SPTBN1: variants seen among roughly 807,000 people sequenced by gnomAD.
SPTBN1 encodes the protein spectrin beta chain, non-erythrocytic 1.
A neutral mutation model predicts 266.4 loss-of-function variants in SPTBN1; 32 were observed. The ratio of observed to expected loss-of-function variants is 0.12; its 90% confidence interval spans 0.09 to 0.16. The LOEUF (loss-of-function observed/expected upper bound fraction) is 0.16, where lower values mean the gene tolerates loss of function less well. Ranked by LOEUF, SPTBN1 falls within the 10% of genes least tolerant of loss-of-function variation. The pLI, the probability that SPTBN1 is intolerant of heterozygous loss-of-function variation, is 1.00. For missense variants in SPTBN1, 2,296 were observed against 3,067.1 expected, an observed-to-expected ratio of 0.75 and a Z score of 5.94; for synonymous variants, 1,336 against 1,162.2, an observed-to-expected ratio of 1.15 and a Z score of -3.04.
chr2:54,635,973 A>G (rs910489428), intron 17 of SPTBN1, among the ~76,000 whole-genome samples: 25 of 152,174 alleles, frequency 1.6e-4, no homozygotes, highest in Admixed American at 1.4e-3. Context: ...GTTTCTGATG[A>G]TAGATGGCAA....
intron 9 of SPTBN1, 45 bp from the exon 10 acceptor site, chr2:54,623,433 AT>A (rs377563056): frequency 1.2e-5 from 19 of 1,535,658 alleles, no homozygotes; most frequent in Admixed American, 5.1e-5. Flanking sequence ...ACAGTGTGAA[AT>A]TTTTTTTTCT....
At chr2:54,499,652 A>C (rs528841871) in intron 1 of SPTBN1, among the ~76,000 whole-genome samples, 1 of 152,346 alleles carries the variant, frequency 6.6e-6, no homozygotes, top group Non-Finnish European at 1.5e-5. Flanking sequence ...AAAACACAAC[A>C]TTTGTAATTA....
chr2:54,621,454 A>T lies in SPTBN1; in HGVS notation c.818A>T (p.Tyr273Phe), dbSNP rs759081481. The change falls in exon 8 of 36, where the codon TAT (tyrosine) becomes TTT (phenylalanine). Residue 273 changes from tyrosine to phenylalanine, a missense_variant. By Grantham distance (22) the Tyr-to-Phe change is conservative. This residue lies in a region of SPTBN1 where 178 missense variants were observed against 375.7 expected (regional missense o/e 0.47). Transcript: ENST00000356805. ...TCCATAATCACTTATGTGGTGACTT[A>T]TTACCACTACTTCTCTAAGATGAAG... ...EKSIITYVVTYYHYFSKMKAL... is the reference protein window; with the variant it reads ...EKSIITYVVTFYHYFSKMKAL... 6.2e-7 allele frequency: 1 copy of T among 1,614,192 alleles called. No homozygotes were observed. The highest frequency in any genetic ancestry group is 8.5e-7 in the Non-Finnish European group (1 of 1,180,014).
chr2:54,527,461 ATCATTTAGAG>A (rs1228989712), intron 2 of SPTBN1: 4 of 152,216 alleles, frequency 2.6e-5, no homozygotes, highest in Non-Finnish European at 4.4e-5. Flanking sequence ...TGAAGCATGC[ATCATTTAGAG>A]TCATCTTGAT....
chr2:54,583,702 A>G (rs1345754903), intron 2 of SPTBN1, among the ~76,000 whole-genome samples: 1 of 152,212 alleles, frequency 6.6e-6, no homozygotes, highest in African/African-American at 2.4e-5. Flanking sequence ...AGTATGCCCC[A>G]GAAGAAAGAC....
intron 2 of SPTBN1, among the ~76,000 whole-genome samples, chr2:54,576,083 C>G (rs532795274): frequency 3.4e-5 from 1 of 29,024 alleles, no homozygotes; most frequent in African/African-American, 1.3e-4. Flanking sequence ...GAGAGACAGT[C>G]TGGCTGTGTC....
intron 1 of SPTBN1, among the ~76,000 whole-genome samples, chr2:54,516,808 G>T (rs1422317571): frequency 6.6e-6 from 1 of 152,190 alleles, no homozygotes; most frequent in Non-Finnish European, 1.5e-5. Flanking sequence ...TGTGCCCAAG[G>T]TGGTCAGGGT....
chr2:54,634,952 G>A (rs1342438246), intron 17 of SPTBN1, among the ~76,000 whole-genome samples: 1 of 152,204 alleles, frequency 6.6e-6, no homozygotes, highest in African/African-American at 2.4e-5. Context: ...TCCAGCCACA[G>A]CACAGTTCAT....
chr2:54,661,670 G>A (rs988953743), intron 32 of SPTBN1: 2 of 985,660 alleles, frequency 2.0e-6, no homozygotes, highest in Non-Finnish European at 1.2e-6. Flanking sequence ...GAGCTCTAAT[G>A]TGTGTTTGTG....
chr2:54,613,273 G>T (rs1052204309), intron 4 of SPTBN1, among the ~76,000 whole-genome samples: 2 of 151,770 alleles, frequency 1.3e-5, no homozygotes, highest in Admixed American at 6.6e-5. Context: ...GTGTTCTCTT[G>T]CCATTCCTTC....
rs555209261 is a variant in SPTBN1 at position 54,519,156 on chromosome 2, C to T, written c.-47-7216C>T. The stretch of plus-strand genomic sequence containing the variant: ...GACTTTGCCCCTGTGCTCTCACCTC[C>T]CAGTCCTCCCTCTGCCACCTGTCCA... On this transcript the variant is annotated intron_variant, in intron 1 of 35. Coordinates refer to ENST00000356805, the MANE Select transcript of SPTBN1 (RefSeq NM_003128.3). Among the ~76,000 whole-genome samples, 171 of 152,270 alleles carry T rather than the reference C, an allele frequency of 1.1e-3. 1 individual carries two copies. Among genetic ancestry groups the T allele is most frequent in the African/African-American group, 4.0e-3 (165 of 41,562 alleles).
At chr2:54,523,432 T>C (rs77425332) in intron 1 of SPTBN1, among the ~76,000 whole-genome samples, 2,136 of 152,324 alleles carry the variant, frequency 0.014, 25 homozygotes, top group Non-Finnish European at 0.022. Flanking sequence ...GATTCAGTGC[T>C]TCTTCCTCAG....
chr2:54,666,042 G>C lies in SPTBN1; in HGVS notation c.6787G>C (p.Glu2263Gln). 1 of 1,613,720 alleles carries C rather than the reference G, an allele frequency of 6.2e-7. No individual in the cohort carries two copies. The highest frequency in any genetic ancestry group is 8.5e-7 in the Non-Finnish European group (1 of 1,179,894). The change falls in exon 34 of 36, where the codon GAA becomes CAA. Residue 2263 changes from glutamate to glutamine, a missense_variant. By Grantham distance (29) the Glu-to-Gln change is conservative. Coordinates refer to ENST00000356805, the MANE Select transcript of SPTBN1 (RefSeq NM_003128.3). ...TGTGAGTTTGAAAGAAGCTGTCTGC[G>C]AAGTGGCCCTTGATTACAAAAAGAA... ...VPVSLKEAVC[E>Q]VALDYKKKKH...
At chr2:54,563,593 C>CTTTTTTT (rs750173696) in intron 2 of SPTBN1, among the ~76,000 whole-genome samples, 21 of 64,458 alleles carry the variant, frequency 3.3e-4, no homozygotes, top group Non-Finnish European at 3.2e-4. Context: ...AAAATTTATT[C>CTTTTTTT]TTTTTTTTTT....
At chr2:54,482,526 G>T (rs998827321) in intron 1 of SPTBN1, among the ~76,000 whole-genome samples, 1 of 152,194 alleles carries the variant, frequency 6.6e-6, no homozygotes, top group Non-Finnish European at 1.5e-5. Flanking sequence ...CTATCCTCTG[G>T]CCTCCCCTCA....
chr2:54,636,959 C>T (rs1357135136), intron 17 of SPTBN1, among the ~76,000 whole-genome samples: 2 of 152,228 alleles, frequency 1.3e-5, no homozygotes, highest in Non-Finnish European at 1.5e-5. Flanking sequence ...TGCTATTTCT[C>T]AGTTTCCAGT....
intron 2 of SPTBN1, among the ~76,000 whole-genome samples, chr2:54,581,055 G>A (rs532759605): frequency 3.2e-4 from 48 of 151,848 alleles, no homozygotes; most frequent in Non-Finnish European, 6.5e-4. Flanking sequence ...CCACGATCAC[G>A]CCACTGCACT....
chr2:54,670,455 C>CTTTCA lies in SPTBN1; in HGVS notation c.*1890_*1891insATTTC. 8.0e-6 allele frequency: 3 copies of CTTTCA among 375,896 alleles called. No homozygotes were observed. Among genetic ancestry groups the CTTTCA allele is most frequent in the East Asian group, 3.8e-5 (1 of 26,342 alleles). 23.3% of individuals were successfully genotyped at this position (375,896 alleles called of 1,614,324 possible). On this transcript the variant is annotated 3_prime_UTR_variant, in exon 36 of 36. Transcript: ENST00000356805. ...GCTCCACAGCTGCGTGGCATCAAAG[C>CTTTCA]TTTCTCTTAACTCTCTTACCTCTAG...
At chr2:54,468,465 A>G (rs1693753356) in intron 1 of SPTBN1, among the ~76,000 whole-genome samples, 2 of 152,096 alleles carry the variant, frequency 1.3e-5, no homozygotes, top group Non-Finnish European at 1.5e-5. Flanking sequence ...CTCCAATCTT[A>G]AACTGAAGAT....
Sources: allele counts gnomAD v4.1 joint callset (sites outside exome capture counted in the v4.1 genomes callset), GRCh38; gene constraint gnomAD v4.1.1; regional missense constraint gnomAD v4.1.1; transcripts MANE v1.5; gene names NCBI Gene and HGNC (gene_info 2026-07-23, HGNC 2026-07-21).